ST7: variants seen among roughly 807,000 people sequenced by gnomAD.
ST7 encodes the protein suppression of tumorigenicity 7.
In ST7, 28 loss-of-function variants were observed where a neutral mutation model predicts 78.7. The observed-to-expected ratio is 0.36, with a 90% CI of 0.26 to 0.49. The LOEUF (loss-of-function observed/expected upper bound fraction) is 0.49, where lower values mean the gene tolerates loss of function less well. ST7 is among the 20% of genes least tolerant of loss of function. The probability of loss-of-function intolerance (pLI) is 0.99; values close to 1 mark genes in which losing one functional copy is unlikely to be tolerated. For missense variants in ST7, 418 were observed against 696.0 expected (o/e 0.60, Z 4.49); for synonymous variants, 247 against 249.6 (o/e 0.99, Z 0.10).
intron 15 of ST7, among the ~76,000 whole-genome samples, chr7:117,226,355 A>C (rs1179459028): frequency 2.0e-5 from 3 of 152,052 alleles, no homozygotes; most frequent in Non-Finnish European, 4.4e-5. Flanking sequence ...ATTTTGATTA[A>C]AGATATGACC....
At chr7:116,955,060 T>C in intron 1 of ST7, 1 of 467,054 alleles carries the variant, frequency 2.1e-6, no homozygotes. Flanking sequence ...TGCTCAGCCC[T>C]TTTGAGTCTG....
chr7:117,068,718 G>A (rs1333964099), intron 1 of ST7, among the ~76,000 whole-genome samples: 1 of 152,238 alleles, frequency 6.6e-6, no homozygotes, highest in East Asian at 1.9e-4. Flanking sequence ...TTTTATCACA[G>A]GAAGTAGATT....
At chr7:117,161,889 T>G (rs1299756686) in intron 9 of ST7, among the ~76,000 whole-genome samples, 1 of 152,164 alleles carries the variant, frequency 6.6e-6, no homozygotes, top group African/African-American at 2.4e-5. Context: ...TGTGAGCCAC[T>G]ACACCTGGCC....
At chr7:116,954,574 A>C (rs1215852191) in intron 1 of ST7, 1 of 152,278 alleles carries the variant, frequency 6.6e-6, no homozygotes, top group Non-Finnish European at 1.5e-5. Context: ...TCGTTAAAAA[A>C]ACACCCGCAA....
chr7:116,954,049 G>A (rs960960821), intron 1 of ST7: 2 of 151,882 alleles, frequency 1.3e-5, no homozygotes, highest in Non-Finnish European at 2.9e-5. Context: ...TCGGGTGTCT[G>A]CGCCGGAACT....
chr7:117,068,453 A>G (rs1483517831), intron 1 of ST7, among the ~76,000 whole-genome samples: 1 of 152,228 alleles, frequency 6.6e-6, no homozygotes, highest in Non-Finnish European at 1.5e-5. Flanking sequence ...CTACTTTACC[A>G]CCACCTATCT....
chr7:117,192,122 G>A (rs990750692), intron 12 of ST7, among the ~76,000 whole-genome samples: 1 of 152,112 alleles, frequency 6.6e-6, no homozygotes, highest in Admixed American at 6.6e-5. Flanking sequence ...TCCATATGGT[G>A]CTATAACTAT....
chr7:117,169,136 C>T (rs1584507913), intron 9 of ST7, among the ~76,000 whole-genome samples: 1 of 141,210 alleles, frequency 7.1e-6, no homozygotes, highest in African/African-American at 2.7e-5. Context: ...TAATCTTCTT[C>T]CTTTTTTTTT....
At chr7:117,021,252 G>T (rs1381766154) in intron 1 of ST7, among the ~76,000 whole-genome samples, 1 of 152,070 alleles carries the variant, frequency 6.6e-6, no homozygotes, top group Non-Finnish European at 1.5e-5. Context: ...TGCAGAGAAG[G>T]CCCTGCACAA....
At chr7:117,097,829 T>C (rs1801174639) in intron 1 of ST7, among the ~76,000 whole-genome samples, 1 of 133,878 alleles carries the variant, frequency 7.5e-6, no homozygotes, top group African/African-American at 2.7e-5. Context: ...TCACTATATA[T>C]ATATATATAT....
At chr7:117,033,109 C>G (rs1796686249) in intron 1 of ST7, among the ~76,000 whole-genome samples, 1 of 152,042 alleles carries the variant, frequency 6.6e-6, no homozygotes, top group Non-Finnish European at 1.5e-5. Context: ...AAATGGCAAG[C>G]CTTTAATGGC....
At chr7:117,113,250 T>C (rs1802575766) in intron 2 of ST7, among the ~76,000 whole-genome samples, 1 of 152,232 alleles carries the variant, frequency 6.6e-6, no homozygotes, top group African/African-American at 2.4e-5. Context: ...TAGGTAAGGA[T>C]GGAGTGAAGA....
chr7:117,119,417 T>TA (rs1803180358), intron 2 of ST7, 144 bp from the exon 3 acceptor site: 1 of 817,426 alleles, frequency 1.2e-6, no homozygotes, highest in Non-Finnish European at 1.8e-6. Context: ...TTAAATTTAC[T>TA]AAAATCTAAT....
At chr7:117,122,593 T>C (rs548109538) in intron 3 of ST7, among the ~76,000 whole-genome samples, 11 of 152,330 alleles carry the variant, frequency 7.2e-5, no homozygotes, top group African/African-American at 1.7e-4. Context: ...CATTCATTTC[T>C]TGTATAATAG....
At chr7:117,083,779 T>C (rs1265216548) in intron 1 of ST7, among the ~76,000 whole-genome samples, 5 of 152,234 alleles carry the variant, frequency 3.3e-5, no homozygotes, top group Admixed American at 2.6e-4. Context: ...TAAGCATTCA[T>C]GTTTGTTTTG....
At chr7:117,027,879 A>G (rs191087145) in intron 1 of ST7, among the ~76,000 whole-genome samples, 30 of 152,306 alleles carry the variant, frequency 2.0e-4, no homozygotes, top group Admixed American at 1.7e-3. Context: ...TACCTAGCAT[A>G]TATCAAGTGC....
chr7:117,059,679 T>A (rs187116794), intron 1 of ST7, among the ~76,000 whole-genome samples: 21 of 151,894 alleles, frequency 1.4e-4, no homozygotes, highest in Non-Finnish European at 3.1e-4. Context: ...TAATATTAAA[T>A]CAGATTCTTG....
In ST7 at chr7:117,219,467, G is replaced by T. The variant is rs894324039; in HGVS notation, c.1498+291G>T. ...GCACAGAGACCCCTGGTTTGGGCTG[G>T]TGTCTGCTGGGCTGGTCCATTGTGA... is the stretch of plus-strand genomic sequence containing the variant. On this transcript the variant is annotated intron_variant, in intron 14 of 15. Coordinates refer to ENST00000323984, the MANE Select transcript of ST7 (RefSeq NM_001369598.1). The surrounding 1 kb of genome is among the most constrained non-coding windows in gnomAD (Gnocchi z 5.1). 6.6e-6 allele frequency among the ~76,000 whole-genome samples: 1 copy of T among 152,230 alleles called. No homozygotes were observed. Among genetic ancestry groups the T allele is most frequent in the African/African-American group, 2.4e-5 (1 of 41,458 alleles).
At position 117,219,817 on chromosome 7, in the gene ST7, C is replaced by T. The variant is rs1331756248; in HGVS notation, c.1498+641C>T. Reference sequence around the variant, plus strand: ...CCTGCCCTCGACTACCTTACACTTGCTAGCAGTCTAATGACCCATACCACA... The same window carrying T: ...CCTGCCCTCGACTACCTTACACTTGTTAGCAGTCTAATGACCCATACCACA... On this transcript the variant is annotated intron_variant, in intron 14 of 15. Transcript: ENST00000323984. The surrounding 1 kb of genome is among the most constrained non-coding windows in gnomAD (Gnocchi z 5.1). Among the ~76,000 whole-genome samples the T allele has an allele frequency of 6.6e-6, 1 of 152,238 alleles. No homozygotes were observed. Among genetic ancestry groups the T allele is most frequent in the Non-Finnish European group, 1.5e-5 (1 of 68,040 alleles).
Sources: gnomAD v4.1 joint callset for allele counts (sites outside exome capture counted in the v4.1 genomes callset) on GRCh38, gnomAD v4.1.1 for gene constraint, Gnocchi (gnomAD v3.1) non-coding constraint, MANE v1.5 for transcripts, NCBI Gene and HGNC (gene_info 2026-07-23, HGNC 2026-07-21) for gene names.